The following TCF7L2 variants were observed in gnomAD, a reference collection of about 807,000 sequenced individuals.
The protein encoded by TCF7L2 is transcription factor 7-like 2.
A neutral mutation model predicts 77.9 loss-of-function variants in TCF7L2; 23 were observed. That is an observed-to-expected ratio of 0.30 (90% CI 0.21 to 0.42). The LOEUF is 0.42. Ranked by LOEUF, TCF7L2 falls within the 10% of genes least tolerant of loss-of-function variation. The probability of loss-of-function intolerance (pLI) is 1.00; values close to 1 mark genes in which losing one functional copy is unlikely to be tolerated. For missense variants in TCF7L2, 654 were observed against 793.1 expected (o/e 0.82, Z 2.11); for synonymous variants, 413 against 340.2 (o/e 1.21, Z -2.36).
chr10:113,041,728 T>TA (rs1237571825), intron 5 of TCF7L2, among the ~76,000 whole-genome samples: 4 of 151,936 alleles, frequency 2.6e-5, no homozygotes, highest in South Asian at 2.1e-4. Context: ...ATTTTTTTTT[T>TA]AAAAAAGTGT....
At chr10:113,078,804 T>C (rs1564864315) in intron 5 of TCF7L2, among the ~76,000 whole-genome samples, 2 of 152,054 alleles carry the variant, frequency 1.3e-5, no homozygotes, top group Non-Finnish European at 2.9e-5. Flanking sequence ...GCCGCAGGGA[T>C]CAGTCAGATG....
chr10:113,017,671 A>G (rs1228218873), intron 4 of TCF7L2, among the ~76,000 whole-genome samples: 2 of 152,070 alleles, frequency 1.3e-5, no homozygotes, highest in Non-Finnish European at 2.9e-5. Flanking sequence ...GTGTCCTTCT[A>G]CTTGCAGGAT....
At chr10:112,966,211 T>TATATATATATATATA (rs57702716) in intron 4 of TCF7L2, among the ~76,000 whole-genome samples, 11 of 137,458 alleles carry the variant, frequency 8.0e-5, no homozygotes, top group African/African-American at 2.1e-4. Context: ...TATATATATA[T>TATATATATATATATA]TTTCTTTTCT....
intron 5 of TCF7L2, among the ~76,000 whole-genome samples, chr10:113,086,888 G>C (rs2059896242): frequency 1.3e-5 from 2 of 152,068 alleles, no homozygotes; most frequent in African/African-American, 4.8e-5. Flanking sequence ...TTAAGACTTT[G>C]TATTCTGTAA....
At chr10:112,993,677 C>T (rs2042990550) in intron 4 of TCF7L2, among the ~76,000 whole-genome samples, 1 of 152,136 alleles carries the variant, frequency 6.6e-6, no homozygotes, top group Non-Finnish European at 1.5e-5. Flanking sequence ...GATGAATCCC[C>T]TCTACAAGAG....
At chr10:113,133,327 CT>C (rs1564939854) in intron 5 of TCF7L2, 1 of 152,234 alleles carries the variant, frequency 6.6e-6, no homozygotes, top group Non-Finnish European at 1.5e-5. Flanking sequence ...TTAACACCTT[CT>C]TTATTTTCCA....
chr10:113,151,899 T>A lies in TCF7L2; in HGVS notation c.1161+15T>A, dbSNP rs770186883. 1.8e-5 allele frequency: 28 copies of A among 1,588,216 alleles called. No individual in the cohort carries two copies. The highest frequency in any genetic ancestry group is 2.2e-5 in the Non-Finnish European group (26 of 1,171,898). On this transcript the variant is annotated intron_variant, in intron 10 of 13. Coordinates refer to ENST00000627217, the MANE Select transcript of TCF7L2 (RefSeq NM_001146274.2). This position sits in a 1 kb window ranked among gnomAD's most constrained non-coding sequence, Gnocchi z 5.2. Reference sequence around the variant, plus strand: ...TTGGGCGGAGGGTAGGTGACGCCCTTCTCAGGGAGAAGCGGGGGGCGGGTG... The same window carrying A: ...TTGGGCGGAGGGTAGGTGACGCCCTACTCAGGGAGAAGCGGGGGGCGGGTG...
intron 4 of TCF7L2, among the ~76,000 whole-genome samples, chr10:113,005,631 G>T (rs61872774): frequency 6.6e-6 from 1 of 152,144 alleles, no homozygotes; most frequent in Non-Finnish European, 1.5e-5. Flanking sequence ...TTGCGCAAGG[G>T]TTTGAGATTG....
At chr10:112,994,241 C>G (rs1371484737) in intron 4 of TCF7L2, among the ~76,000 whole-genome samples, 2 of 152,134 alleles carry the variant, frequency 1.3e-5, no homozygotes, top group Non-Finnish European at 2.9e-5. Flanking sequence ...TTAGCAGTCA[C>G]TCCTCATTTC....
At chr10:112,968,521 T>C (rs1344314484) in intron 4 of TCF7L2, among the ~76,000 whole-genome samples, 5 of 152,218 alleles carry the variant, frequency 3.3e-5, no homozygotes, top group Non-Finnish European at 7.3e-5. Flanking sequence ...GGTCAGGCTT[T>C]CAGTCAACAG....
chr10:113,060,506 A>G (rs1264587834), intron 5 of TCF7L2, among the ~76,000 whole-genome samples: 2 of 152,118 alleles, frequency 1.3e-5, no homozygotes, highest in Non-Finnish European at 2.9e-5. Context: ...TGTTCTTGGA[A>G]GATTCCCTGA....
At chr10:113,075,806 T>G (rs1439198400) in intron 5 of TCF7L2, among the ~76,000 whole-genome samples, 5 of 152,190 alleles carry the variant, frequency 3.3e-5, no homozygotes, top group African/African-American at 1.2e-4. Context: ...AGTTTTCCAC[T>G]TACCTAATAG....
chr10:113,112,637 A>G (rs975487385), intron 5 of TCF7L2, among the ~76,000 whole-genome samples: 2 of 152,230 alleles, frequency 1.3e-5, no homozygotes, highest in Admixed American at 1.3e-4. Context: ...TTTCCTTGCC[A>G]ACATTCCTAA....
chr10:112,951,588 T>A lies in TCF7L2; in HGVS notation c.362T>A (p.Leu121His). 2 of 1,336,474 alleles carry A rather than the reference T, an allele frequency of 1.5e-6. No homozygotes were observed. The highest frequency in any genetic ancestry group is 2.0e-6 in the Non-Finnish European group (2 of 1,016,624). 82.8% of individuals were successfully genotyped at this position (1,336,474 alleles called of 1,614,324 possible). ...AGCCCCTACCTCCCCAACGGATCGC[T>A]CTCGCCCACCGCCCGAACCGTAAGT... Residue 121 changes from leucine (L) to histidine (H), a missense_variant, in exon 3 of 14, where the codon CTC becomes CAC. This residue lies in a region of TCF7L2 where 132 missense variants were observed against 123.7 expected (regional missense o/e 1.07). Coordinates refer to ENST00000627217, the MANE Select transcript of TCF7L2 (RefSeq NM_001146274.2).
At chr10:113,033,491 TC>T (rs1017905200) in intron 4 of TCF7L2, among the ~76,000 whole-genome samples, 3 of 152,102 alleles carry the variant, frequency 2.0e-5, no homozygotes, top group Non-Finnish European at 4.4e-5. Flanking sequence ...CAAGCAATCT[TC>T]CTGCCTCAGC....
At chr10:113,098,149 G>C (rs2061261775) in intron 5 of TCF7L2, among the ~76,000 whole-genome samples, 1 of 151,826 alleles carries the variant, frequency 6.6e-6, no homozygotes, top group South Asian at 2.1e-4. Flanking sequence ...CCATTTCCTT[G>C]GTAGGGGCAG....
intron 5 of TCF7L2, among the ~76,000 whole-genome samples, chr10:113,085,339 G>C (rs1398289344): frequency 2.0e-5 from 3 of 151,810 alleles, no homozygotes; most frequent in Non-Finnish European, 4.4e-5. Flanking sequence ...GACAGTGCTG[G>C]GATTATAGGT....
chr10:113,091,337 C>T (rs1033734014), intron 5 of TCF7L2, among the ~76,000 whole-genome samples: 20 of 152,202 alleles, frequency 1.3e-4, no homozygotes, highest in Admixed American at 1.3e-4. Context: ...TCTAGGAACA[C>T]TTTTTGACAC....
chr10:112,952,371 C>A (rs2031958730), intron 3 of TCF7L2, among the ~76,000 whole-genome samples: 1 of 152,094 alleles, frequency 6.6e-6, no homozygotes, highest in Non-Finnish European at 1.5e-5. Context: ...GGGCCGCGAG[C>A]GCCCTGGGCG....
Sources: allele counts gnomAD v4.1 joint callset (sites outside exome capture counted in the v4.1 genomes callset), GRCh38; gene constraint gnomAD v4.1.1; regional missense constraint gnomAD v4.1.1; non-coding constraint Gnocchi (gnomAD v3.1); transcripts MANE v1.5; gene names NCBI Gene and HGNC (gene_info 2026-07-23, HGNC 2026-07-21).